Variants in CDH13 observed in about 807,000 individuals in gnomAD.
The protein encoded by CDH13 is cadherin 13.
In CDH13, 24 loss-of-function variants were observed where a neutral mutation model predicts 63.8. The ratio of observed to expected loss-of-function variants is 0.38; its 90% CI spans 0.27 to 0.53. The LOEUF (loss-of-function observed/expected upper bound fraction) is 0.53. Ranked by LOEUF, CDH13 falls within the 20% of genes least tolerant of loss-of-function variation. The probability of loss-of-function intolerance (pLI) is 0.85; values close to 1 mark genes in which losing one functional copy is unlikely to be tolerated. For missense variants in CDH13, 1,049 were observed against 903.1 expected (o/e 1.16, Z -2.07); for synonymous variants, 503 against 355.3 (o/e 1.42, Z -4.67).
At chr16:83,546,976 G>T (rs191582844) in intron 7 of CDH13, among the ~76,000 whole-genome samples, 3 of 152,318 alleles carry the variant, frequency 2.0e-5, no homozygotes, top group Admixed American at 6.5e-5. Flanking sequence ...GACACCTCCG[G>T]TCCTGAACAG....
intron 7 of CDH13, among the ~76,000 whole-genome samples, chr16:83,532,299 G>A (rs1253251372): frequency 6.6e-6 from 1 of 152,142 alleles, no homozygotes; most frequent in African/African-American, 2.4e-5. Context: ...CCTCAAAGGT[G>A]ACTTCTGTCA....
At chr16:83,249,852 C>G (rs532479359) in intron 5 of CDH13, among the ~76,000 whole-genome samples, 63 of 152,300 alleles carry the variant, frequency 4.1e-4, no homozygotes, top group African/African-American at 1.4e-3. Context: ...GCTCATAAGA[C>G]AGGCCCAGTT....
chr16:83,369,153 A>G (rs2091315206), intron 6 of CDH13, among the ~76,000 whole-genome samples: 1 of 151,648 alleles, frequency 6.6e-6, no homozygotes, highest in East Asian at 1.9e-4. Flanking sequence ...TGTTTTTCAC[A>G]GTGGTTGTAC....
At chr16:82,965,074 C>G (rs1907613039) in intron 2 of CDH13, among the ~76,000 whole-genome samples, 1 of 152,206 alleles carries the variant, frequency 6.6e-6, no homozygotes, top group Non-Finnish European at 1.5e-5. Flanking sequence ...AAAAGTAGCT[C>G]CCCTTTCTTC....
chr16:83,336,582 C>G (rs901074780), intron 5 of CDH13, among the ~76,000 whole-genome samples: 1 of 152,186 alleles, frequency 6.6e-6, no homozygotes, highest in African/African-American at 2.4e-5. Context: ...GATTTGAAAA[C>G]TTACATCTGA....
At chr16:82,849,036 A>G (rs978067462) in intron 1 of CDH13, among the ~76,000 whole-genome samples, 2 of 152,206 alleles carry the variant, frequency 1.3e-5, no homozygotes, top group Non-Finnish European at 2.9e-5. Context: ...GTCTGAATAG[A>G]TGATCAAACC....
At chr16:83,376,325 C>G (rs940808685) in intron 6 of CDH13, among the ~76,000 whole-genome samples, 4 of 152,138 alleles carry the variant, frequency 2.6e-5, no homozygotes, top group Non-Finnish European at 5.9e-5. Context: ...GTGCCTACAC[C>G]TAGAGCCAGG....
intron 2 of CDH13, among the ~76,000 whole-genome samples, chr16:82,862,968 A>C (rs1419350194): frequency 1.3e-5 from 2 of 152,202 alleles, no homozygotes; most frequent in Non-Finnish European, 2.9e-5. Flanking sequence ...AGGTCACTGC[A>C]GGTGCTTAAA....
intron 6 of CDH13, among the ~76,000 whole-genome samples, chr16:83,443,749 T>TGGAGAGAAAG (rs2072569781): frequency 9.2e-5 from 11 of 119,996 alleles, no homozygotes; most frequent in African/African-American, 4.0e-4. Flanking sequence ...TATATATATA[T>TGGAGAGAAAG]ATATATATAT....
At chr16:83,364,857 A>G (rs1355841523) in intron 6 of CDH13, among the ~76,000 whole-genome samples, 2 of 152,170 alleles carry the variant, frequency 1.3e-5, no homozygotes, top group African/African-American at 4.8e-5. Context: ...GGAGTTGAAC[A>G]ATGAGAACAC....
intron 3 of CDH13, among the ~76,000 whole-genome samples, chr16:83,115,250 C>G (rs566844808): frequency 1.1e-4 from 17 of 152,290 alleles, no homozygotes; most frequent in Admixed American, 8.5e-4. Flanking sequence ...CATCTTTTAA[C>G]TTCAGGAAAA....
At chr16:83,277,413 G>T (rs1480519804) in intron 5 of CDH13, among the ~76,000 whole-genome samples, 1 of 152,150 alleles carries the variant, frequency 6.6e-6, no homozygotes, top group Non-Finnish European at 1.5e-5. Flanking sequence ...TTTCTGTGGG[G>T]CCCAGGGAAT....
At chr16:82,671,452 C>T (rs1913231351) in intron 1 of CDH13, among the ~76,000 whole-genome samples, 1 of 152,198 alleles carries the variant, frequency 6.6e-6, no homozygotes, top group Admixed American at 6.5e-5. Flanking sequence ...CATTTATACA[C>T]ATGTCTTTTC....
intron 2 of CDH13, among the ~76,000 whole-genome samples, chr16:82,888,200 A>G (rs994049919): frequency 2.6e-5 from 4 of 152,192 alleles, no homozygotes; most frequent in Non-Finnish European, 5.9e-5. Flanking sequence ...ATCCTCTATG[A>G]CCTTGCCATA....
At chr16:82,716,001 T>C (rs1000668357) in intron 1 of CDH13, among the ~76,000 whole-genome samples, 9 of 152,308 alleles carry the variant, frequency 5.9e-5, no homozygotes, top group African/African-American at 2.2e-4. Context: ...AGGAGTCAGC[T>C]TCCCTGCAGT....
At chr16:83,297,182 T>G (rs1213544980) in intron 5 of CDH13, among the ~76,000 whole-genome samples, 1 of 152,056 alleles carries the variant, frequency 6.6e-6, no homozygotes, top group Admixed American at 6.6e-5. Flanking sequence ...GTGACTATAG[T>G]TTTCATTATT....
chr16:83,715,011 C>T (rs760555895), intron 10 of CDH13, among the ~76,000 whole-genome samples: 5 of 152,122 alleles, frequency 3.3e-5, no homozygotes, highest in Non-Finnish European at 5.9e-5. Flanking sequence ...AAGGACTTTC[C>T]AGCTAGGATT....
chr16:83,133,191 C>A (rs7196177), intron 4 of CDH13, among the ~76,000 whole-genome samples: 55,461 of 152,052 alleles, frequency 0.36, 10,572 homozygotes, highest in African/African-American at 0.47. Context: ...TACCTTTTTC[C>A]TGATACATTT....
At chr16:83,371,472 T>C (rs1211844781) in intron 6 of CDH13, among the ~76,000 whole-genome samples, 1 of 152,210 alleles carries the variant, frequency 6.6e-6, no homozygotes, top group African/African-American at 2.4e-5. Context: ...AATGCAATGT[T>C]TATTATGTCA....
Sources: gnomAD v4.1 joint callset for allele counts (sites outside exome capture counted in the v4.1 genomes callset) on GRCh38, gnomAD v4.1.1 for gene constraint, MANE v1.5 for transcripts, NCBI Gene and HGNC (gene_info 2026-07-23, HGNC 2026-07-21) for gene names.